Variants in FRMD4A observed in about 807,000 individuals in gnomAD.
FRMD4A encodes the protein FERM domain containing 4A, also known as FERM domain-containing protein 4A.
In FRMD4A, 29 loss-of-function variants were observed where a neutral mutation model predicts 129.1. The ratio of observed to expected loss-of-function variants is 0.22; its 90% CI spans 0.17 to 0.31. The LOEUF (loss-of-function observed/expected upper bound fraction) is 0.31, where lower values mean the gene tolerates loss of function less well. Among genes scored for constraint, FRMD4A ranks in the 10% least tolerant of loss-of-function variants. FRMD4A has a pLI of 1.00. For synonymous variants in FRMD4A, 634 were observed against 571.6 expected (o/e 1.11, Z -1.56); for missense variants, 1,272 against 1,375.8 (o/e 0.92, Z 1.19).
At chr10:13,684,752 G>A in intron 15 of FRMD4A, 5 of 984,200 alleles carry the variant, frequency 5.1e-6, no homozygotes, top group Non-Finnish European at 6.0e-6. Flanking sequence ...CAGAGAAGGG[G>A]TGCTTTCCTC....
intron 2 of FRMD4A, among the ~76,000 whole-genome samples, chr10:14,157,416 G>A (rs1840657173): frequency 6.6e-6 from 1 of 152,220 alleles, no homozygotes; most frequent in Non-Finnish European, 1.5e-5. Flanking sequence ...TGGTAGAGTG[G>A]AAGCGGAGTG....
chr10:14,291,544 A>G (rs1845850189), intron 2 of FRMD4A, among the ~76,000 whole-genome samples: 2 of 152,176 alleles, frequency 1.3e-5, no homozygotes, highest in Admixed American at 6.5e-5. Context: ...TTAAAGGATA[A>G]ATACCATCTG....
chr10:13,975,605 G>A (rs1408489791), intron 2 of FRMD4A, among the ~76,000 whole-genome samples: 5 of 151,366 alleles, frequency 3.3e-5, no homozygotes, highest in South Asian at 2.1e-4. Context: ...TGTCTGTCTC[G>A]TGTGTGTCTA....
chr10:13,968,555 C>T (rs768484331), intron 2 of FRMD4A, among the ~76,000 whole-genome samples: 4 of 152,190 alleles, frequency 2.6e-5, no homozygotes, highest in South Asian at 2.1e-4. Flanking sequence ...TGGGTTCAAG[C>T]GATTCTCCCG....
chr10:13,859,590 A>G (rs991252693), intron 2 of FRMD4A, among the ~76,000 whole-genome samples: 2 of 152,028 alleles, frequency 1.3e-5, no homozygotes, highest in East Asian at 3.9e-4. Context: ...TCTTCCATTC[A>G]ATAATTGTAC....
chr10:13,666,906 CTTTTCTTTTT>C, intron 17 of FRMD4A, among the ~76,000 whole-genome samples: 1 of 129,536 alleles, frequency 7.7e-6, no homozygotes, highest in African/African-American at 3.3e-5. Context: ...CTTTTCTTTT[CTTTTCTTTTT>C]TTTTTTTTTT....
intron 2 of FRMD4A, among the ~76,000 whole-genome samples, chr10:14,184,761 G>T (rs1842032086): frequency 6.6e-6 from 1 of 152,100 alleles, no homozygotes; most frequent in Admixed American, 6.5e-5. Context: ...CTATAAGTCA[G>T]ATATGAAAGA....
At chr10:13,886,605 G>A (rs1157095522) in intron 2 of FRMD4A, among the ~76,000 whole-genome samples, 2 of 151,986 alleles carry the variant, frequency 1.3e-5, no homozygotes, top group Non-Finnish European at 2.9e-5. Flanking sequence ...TTTAGAGACA[G>A]GTTCTCCCTC....
intron 12 of FRMD4A, among the ~76,000 whole-genome samples, chr10:13,714,862 CCT>C (rs1389874321): frequency 6.7e-6 from 1 of 150,014 alleles, no homozygotes; most frequent in African/African-American, 2.5e-5. Flanking sequence ...ACATGGTGAA[CCT>C]CTGTCTCTAC....
rs1838085310 is a variant in FRMD4A at position 14,114,297 on chromosome 10, A to T, written c.45+215761T>A. Among the ~76,000 whole-genome samples the T allele has an allele frequency of 2.6e-5, 4 of 152,242 alleles. No individual in the cohort carries two copies. The South Asian group carries it at 8.3e-4, about 32-fold the overall frequency. On this transcript the variant is annotated intron_variant, in intron 2 of 24. Coordinates refer to ENST00000357447, the MANE Select transcript of FRMD4A (RefSeq NM_018027.5). The stretch of plus-strand genomic sequence containing the variant: ...CAGGTCCTACTTCGGAGACACAGGT[A>T]GGGCTTAAGGAGCCTCATTTGAGCC...
At chr10:14,297,885 C>T (rs962643201) in intron 2 of FRMD4A, among the ~76,000 whole-genome samples, 1 of 152,108 alleles carries the variant, frequency 6.6e-6, no homozygotes, top group Non-Finnish European at 1.5e-5. Flanking sequence ...TTTGGCTAGG[C>T]TTTTAGGAGG....
At chr10:14,257,129 G>C (rs1422140990) in intron 2 of FRMD4A, among the ~76,000 whole-genome samples, 1 of 152,078 alleles carries the variant, frequency 6.6e-6, no homozygotes, top group Non-Finnish European at 1.5e-5. Flanking sequence ...TAAGGAGTTC[G>C]AGACCAGCCT....
chr10:14,145,160 C>T (rs1454223383), intron 2 of FRMD4A, among the ~76,000 whole-genome samples: 1 of 152,134 alleles, frequency 6.6e-6, no homozygotes, highest in East Asian at 1.9e-4. Context: ...ATCAATAATA[C>T]CCACAAGGAA....
intron 2 of FRMD4A, among the ~76,000 whole-genome samples, chr10:13,994,112 G>A (rs989880380): frequency 5.4e-5 from 8 of 149,160 alleles, no homozygotes; most frequent in Non-Finnish European, 1.0e-4. Flanking sequence ...CGGGTTCAGC[G>A]ATTCTGCTGT....
chr10:14,025,586 T>C (rs182857227), intron 2 of FRMD4A, among the ~76,000 whole-genome samples: 4 of 152,298 alleles, frequency 2.6e-5, no homozygotes, highest in Admixed American at 6.5e-5. Flanking sequence ...AAGAAAAATT[T>C]TGGGGCCTTA....
chr10:14,184,826 T>A (rs577323726), intron 2 of FRMD4A, among the ~76,000 whole-genome samples: 14 of 152,330 alleles, frequency 9.2e-5, no homozygotes, highest in African/African-American at 3.4e-4. Context: ...TTTTATTTTT[T>A]AAGGAAATGA....
At chr10:13,956,067 C>G (rs1020510514) in intron 2 of FRMD4A, among the ~76,000 whole-genome samples, 1 of 152,184 alleles carries the variant, frequency 6.6e-6, no homozygotes, top group Non-Finnish European at 1.5e-5. Flanking sequence ...GAGTAAAATA[C>G]TAATAATGAA....
At chr10:14,188,888 G>A (rs1347430157) in intron 2 of FRMD4A, among the ~76,000 whole-genome samples, 7 of 152,086 alleles carry the variant, frequency 4.6e-5, no homozygotes, top group African/African-American at 1.2e-4. Context: ...TCTGGGCAAC[G>A]GAGCGAGGTT....
At position 13,781,682 on chromosome 10, in the gene FRMD4A, T is replaced by C. The variant is rs147639570; in HGVS notation, c.384+1240A>G. On this transcript the variant is annotated intron_variant, in intron 6 of 24. Coordinates refer to ENST00000357447, the MANE Select transcript of FRMD4A (RefSeq NM_018027.5). ...CATGAGCCACCACACACAGCCAACA[T>C]GGATGAACCTTGAGGCCATTATGCT... Among the ~76,000 whole-genome samples, 18 of 152,288 alleles carry C rather than the reference T, an allele frequency of 1.2e-4. No individual in the cohort carries two copies. The East Asian group carries it at 1.7e-3, about 15-fold the overall frequency.
Sources: allele counts gnomAD v4.1 joint callset (sites outside exome capture counted in the v4.1 genomes callset), GRCh38; gene constraint gnomAD v4.1.1; transcripts MANE v1.5; gene names NCBI Gene and HGNC (gene_info 2026-07-23, HGNC 2026-07-21).